The following DNER variants were observed in gnomAD, a reference collection of about 807,000 sequenced individuals.
DNER encodes the protein delta/notch like EGF repeat containing, also known as delta and Notch-like epidermal growth factor-related receptor.
Under a neutral mutation model 78.2 loss-of-function variants are expected in DNER, and 33 were observed. The ratio of observed to expected loss-of-function variants is 0.42; its 90% CI spans 0.32 to 0.56. DNER has a LOEUF of 0.56. Ranked by LOEUF, DNER falls within the 20% of genes least tolerant of loss-of-function variation. The pLI is 0.11. For missense variants in DNER, 918 were observed against 975.3 expected (o/e 0.94, Z 0.78); for synonymous variants, 417 against 384.8 (o/e 1.08, Z -0.98).
At chr2:229,510,655 C>T (rs1328488212) in intron 6 of DNER, among the ~76,000 whole-genome samples, 1 of 152,146 alleles carries the variant, frequency 6.6e-6, no homozygotes, top group Non-Finnish European at 1.5e-5. Flanking sequence ...CGCTGGAAGA[C>T]GAGCTGTGTA....
intron 5 of DNER, among the ~76,000 whole-genome samples, chr2:229,517,505 G>T (rs375656483): frequency 9.8e-5 from 15 of 152,320 alleles, no homozygotes; most frequent in African/African-American, 2.9e-4. Context: ...TCCGAGGAAA[G>T]GTATTCCAGG....
At chr2:229,672,513 G>A (rs1017474432) in intron 1 of DNER, among the ~76,000 whole-genome samples, 5 of 151,574 alleles carry the variant, frequency 3.3e-5, no homozygotes, top group Non-Finnish European at 7.4e-5. Context: ...AAAGGGGAGA[G>A]AGGGAAAGAC....
At chr2:229,442,692 A>G (rs1694261646) in intron 8 of DNER, among the ~76,000 whole-genome samples, 1 of 152,288 alleles carries the variant, frequency 6.6e-6, no homozygotes, top group Admixed American at 6.5e-5. Context: ...TTCAATTGCT[A>G]TTAAAATCCT....
chr2:229,543,946 C>T (rs2154213125), intron 5 of DNER, among the ~76,000 whole-genome samples: 1 of 152,258 alleles, frequency 6.6e-6, no homozygotes, highest in East Asian at 1.9e-4. Context: ...AGTCTCATCT[C>T]CATAGCAGCA....
chr2:229,601,584 G>C (rs1329117349), intron 1 of DNER, among the ~76,000 whole-genome samples: 2 of 152,206 alleles, frequency 1.3e-5, no homozygotes, highest in African/African-American at 4.8e-5. Flanking sequence ...TTCTGAGTCA[G>C]CTTTCTTGAA....
chr2:229,494,801 T>C (rs984267982), intron 6 of DNER, among the ~76,000 whole-genome samples: 1 of 152,198 alleles, frequency 6.6e-6, no homozygotes, highest in Non-Finnish European at 1.5e-5. Flanking sequence ...CACAGCTGAA[T>C]AGCTCTATAT....
intron 1 of DNER, among the ~76,000 whole-genome samples, chr2:229,703,944 AAGG>A (rs1200411222): frequency 1.2e-4 from 19 of 152,156 alleles, no homozygotes; most frequent in Non-Finnish European, 2.1e-4. Flanking sequence ...AAGAAAGGGA[AAGG>A]AGAAGCCACA....
At chr2:229,555,679 C>T (rs16826174) in intron 4 of DNER, among the ~76,000 whole-genome samples, 2,208 of 152,122 alleles carry the variant, frequency 0.015, 53 homozygotes, top group African/African-American at 0.05. Context: ...CATTAATAGC[C>T]AAAGCAGCAA....
At chr2:229,517,109 C>CAAAAAAA (rs57947628) in intron 5 of DNER, among the ~76,000 whole-genome samples, 1 of 57,880 alleles carries the variant, frequency 1.7e-5, no homozygotes. Flanking sequence ...GACTCCGTCT[C>CAAAAAAA]AAAAAAAAAA....
chr2:229,663,941 C>T (rs556690191), intron 1 of DNER, among the ~76,000 whole-genome samples: 4 of 152,234 alleles, frequency 2.6e-5, no homozygotes, highest in African/African-American at 9.6e-5. Flanking sequence ...GATTCTCCCA[C>T]CTCAACCTTC....
intron 7 of DNER, among the ~76,000 whole-genome samples, chr2:229,455,279 C>A (rs961451782): frequency 6.6e-6 from 1 of 152,048 alleles, no homozygotes; most frequent in East Asian, 1.9e-4. Context: ...TTCTTACTAC[C>A]GTGTGACCTC....
intron 5 of DNER, among the ~76,000 whole-genome samples, chr2:229,517,651 C>T (rs985423879): frequency 4.3e-4 from 66 of 152,176 alleles, no homozygotes; most frequent in African/African-American, 1.5e-3. Flanking sequence ...CTGGGCGTGC[C>T]GTCAAATCCC....
chr2:229,577,731 AT>A (rs1163344997), intron 4 of DNER, among the ~76,000 whole-genome samples: 2 of 152,236 alleles, frequency 1.3e-5, no homozygotes, highest in Non-Finnish European at 2.9e-5. Context: ...TTCTTTGAAT[AT>A]TCCAGGGTGC....
At chr2:229,359,855 C>T (rs1008587330) in intron 12 of DNER, among the ~76,000 whole-genome samples, 2 of 152,180 alleles carry the variant, frequency 1.3e-5, no homozygotes, top group Non-Finnish European at 2.9e-5. Context: ...TTGAAGAGCA[C>T]AAAGGCATAT....
At chr2:229,685,243 T>C (rs1699464142) in intron 1 of DNER, among the ~76,000 whole-genome samples, 2 of 152,246 alleles carry the variant, frequency 1.3e-5, no homozygotes, top group African/African-American at 2.4e-5. Flanking sequence ...TTTAGAATTA[T>C]TAAAACTGTT....
chr2:229,471,102 T>TA (rs199670287), intron 7 of DNER, among the ~76,000 whole-genome samples: 2,883 of 152,042 alleles, frequency 0.019, 86 homozygotes, highest in African/African-American at 0.065. Context: ...ATGGTTCTAA[T>TA]AGAGTGCTTT....
intron 5 of DNER, among the ~76,000 whole-genome samples, chr2:229,514,481 T>G (rs913810144): frequency 6.6e-6 from 1 of 152,238 alleles, no homozygotes; most frequent in South Asian, 2.1e-4. Context: ...TTTTATCAAA[T>G]GCCATTTTAG....
chr2:229,705,181 T>C (rs1175423805), intron 1 of DNER, among the ~76,000 whole-genome samples: 15 of 152,232 alleles, frequency 9.9e-5, no homozygotes, highest in Admixed American at 9.8e-4. Context: ...TCTTGTGATT[T>C]CTTCCACCAC....
rs77329562 is a variant in DNER at position 229,688,858 on chromosome 2, A to G, written c.276+25290T>C. On this transcript the variant is annotated intron_variant, in intron 1 of 12. Coordinates refer to ENST00000341772, the MANE Select transcript of DNER (RefSeq NM_139072.4). ...GTCATTTACAGGGACATGGAGCTGGAAGCCGTCATCCTGAGCAAACTAACA... is the reference window on the plus strand; with the variant it reads ...GTCATTTACAGGGACATGGAGCTGGGAGCCGTCATCCTGAGCAAACTAACA... Among the ~76,000 whole-genome samples the G allele has an allele frequency of 5.2e-3, 795 of 152,324 alleles. 9 individuals are homozygous for G. Among genetic ancestry groups the G allele is most frequent in the African/African-American group, 0.018 (732 of 41,570 alleles).
Sources: allele counts gnomAD v4.1 joint callset (sites outside exome capture counted in the v4.1 genomes callset), GRCh38; gene constraint gnomAD v4.1.1; transcripts MANE v1.5; gene names NCBI Gene and HGNC (gene_info 2026-07-23, HGNC 2026-07-21).